The following NCKAP5 variants were observed in gnomAD, a reference collection of about 807,000 sequenced individuals.
NCKAP5 encodes nck-associated protein 5.
NCKAP5 carries 92 observed loss-of-function variants against 167.0 expected under a neutral mutation model. The ratio of observed to expected loss-of-function variants is 0.55; its 90% CI spans 0.47 to 0.66. The LOEUF is 0.66. NCKAP5 is among the 30% of genes least tolerant of loss of function. NCKAP5 has a pLI of 0.00. For missense variants in NCKAP5, 2,378 were observed against 2,315.0 expected (o/e 1.03, Z -0.56); for synonymous variants, 891 against 877.4 (o/e 1.02, Z -0.27).
chr2:132,939,857 G>A (rs899528042), intron 8 of NCKAP5, among the ~76,000 whole-genome samples: 9 of 152,080 alleles, frequency 5.9e-5, no homozygotes, highest in African/African-American at 2.2e-4. Context: ...AAAATTAGCT[G>A]GGTGTGGTGG....
intron 3 of NCKAP5, among the ~76,000 whole-genome samples, chr2:133,484,274 G>A (rs539799873): frequency 1.3e-5 from 2 of 152,250 alleles, no homozygotes; most frequent in South Asian, 4.1e-4. Context: ...AGGACCAGCA[G>A]AAACCATCTG....
intron 3 of NCKAP5, among the ~76,000 whole-genome samples, chr2:133,352,520 G>C (rs954050321): frequency 1.3e-5 from 2 of 152,210 alleles, no homozygotes; most frequent in African/African-American, 4.8e-5. Context: ...AGAGTGTGTT[G>C]GGTAGAGGCA....
chr2:133,412,596 G>A (rs912637000), intron 3 of NCKAP5, among the ~76,000 whole-genome samples: 5 of 152,156 alleles, frequency 3.3e-5, no homozygotes, highest in Non-Finnish European at 7.3e-5. Flanking sequence ...CTACTGTGGT[G>A]ACTTTGAAGG....
chr2:133,263,497 T>C (rs753919378), intron 4 of NCKAP5, among the ~76,000 whole-genome samples: 8 of 152,042 alleles, frequency 5.3e-5, no homozygotes, highest in Non-Finnish European at 8.8e-5. Flanking sequence ...GTAAAACTTC[T>C]TTGAACAAAA....
intron 6 of NCKAP5, among the ~76,000 whole-genome samples, chr2:133,071,928 G>C (rs560759625): frequency 6.6e-6 from 1 of 152,250 alleles, no homozygotes; most frequent in African/African-American, 2.4e-5. Flanking sequence ...ATAGTGTATT[G>C]AGTGTATTAA....
At chr2:133,430,665 A>C (rs1218813144) in intron 3 of NCKAP5, among the ~76,000 whole-genome samples, 2 of 152,062 alleles carry the variant, frequency 1.3e-5, no homozygotes, top group African/African-American at 4.8e-5. Flanking sequence ...TTGACTGTTG[A>C]AGATGAGTTA....
chr2:132,794,249 TATATATATATATATAG>T (rs1200102973), intron 12 of NCKAP5, among the ~76,000 whole-genome samples: 78 of 60,298 alleles, frequency 1.3e-3, no homozygotes, highest in African/African-American at 4.9e-3. Context: ...TATATATATA[TATATATATATATATAG>T]AGAGAGAGAG....
At chr2:133,078,502 G>C (rs755384851) in intron 6 of NCKAP5, among the ~76,000 whole-genome samples, 2 of 152,124 alleles carry the variant, frequency 1.3e-5, no homozygotes, top group African/African-American at 2.4e-5. Flanking sequence ...CAGGACCTCT[G>C]CTGCTGGATG....
Position 133,224,463 on chromosome 2 carries a change from A to G in NCKAP5, c.144-10684T>C, listed in dbSNP as rs138856696. On this transcript the variant is annotated intron_variant, in intron 4 of 19. Coordinates refer to ENST00000409261, the MANE Select transcript of NCKAP5 (RefSeq NM_207363.3). ...ATAAGCCAATAAAACCACACAAGCT[A>G]CCTGTACTCCCTACTACAACAGTCA... 2.0e-3 allele frequency among the ~76,000 whole-genome samples: 308 copies of G among 152,314 alleles called. 2 individuals carry two copies. The highest frequency in any genetic ancestry group is 3.1e-3 in the Non-Finnish European group (208 of 68,018).
chr2:132,730,685 T>TA (rs1299468203), intron 17 of NCKAP5, among the ~76,000 whole-genome samples: 4 of 152,224 alleles, frequency 2.6e-5, no homozygotes, highest in Admixed American at 1.3e-4. Flanking sequence ...TGAGGTCACA[T>TA]ATGTGACTAT....
intron 6 of NCKAP5, chr2:133,118,353 A>G (rs980775920): frequency 4.6e-5 from 7 of 152,084 alleles, no homozygotes; most frequent in African/African-American, 1.7e-4. Context: ...GTATTATCTA[A>G]GTGGAAATTT....
chr2:133,583,073 G>T, the NCKAP5 span, among the ~76,000 whole-genome samples: 8 of 152,108 alleles, frequency 5.3e-5, no homozygotes, highest in African/African-American at 1.9e-4. Flanking sequence ...ATTTTGTAAT[G>T]ATACTTCTTG....
At chr2:133,348,118 G>T (rs564319406) in intron 3 of NCKAP5, among the ~76,000 whole-genome samples, 2 of 152,204 alleles carry the variant, frequency 1.3e-5, no homozygotes, top group African/African-American at 2.4e-5. Context: ...ACTTCTCAGA[G>T]ATCTGCCATT....
intron 8 of NCKAP5, among the ~76,000 whole-genome samples, chr2:132,879,331 C>A (rs1287971448): frequency 6.6e-6 from 1 of 152,230 alleles, no homozygotes; most frequent in Non-Finnish European, 1.5e-5. Context: ...CACATAAAGT[C>A]ATGAAAGCAT....
intron 5 of NCKAP5, among the ~76,000 whole-genome samples, chr2:133,134,276 C>T (rs1262520212): frequency 2.6e-5 from 4 of 152,152 alleles, no homozygotes; most frequent in Non-Finnish European, 4.4e-5. Context: ...TCCACTTCCA[C>T]AAAAAACTCT....
chr2:133,007,767 A>T (rs1429845073), intron 6 of NCKAP5, among the ~76,000 whole-genome samples: 1 of 152,172 alleles, frequency 6.6e-6, no homozygotes, highest in East Asian at 1.9e-4. Flanking sequence ...TATAATCTTC[A>T]TATCAATGGA....
At chr2:132,842,726 AT>A (rs140841877) in intron 11 of NCKAP5, among the ~76,000 whole-genome samples, 19,736 of 146,204 alleles carry the variant, frequency 0.13, 1,400 homozygotes, top group Middle Eastern at 0.24. Context: ...TTTCTTTTTC[AT>A]TTTTTTTTCA....
intron 6 of NCKAP5, among the ~76,000 whole-genome samples, chr2:133,074,199 A>T (rs1305569781): frequency 6.6e-6 from 1 of 152,228 alleles, no homozygotes; most frequent in East Asian, 1.9e-4. Flanking sequence ...AGGAGAAAAA[A>T]CAATGAACAG....
chr2:133,475,429 C>T (rs1679794127), intron 3 of NCKAP5, among the ~76,000 whole-genome samples: 1 of 152,200 alleles, frequency 6.6e-6, no homozygotes, highest in Non-Finnish European at 1.5e-5. Context: ...AAACCATCTA[C>T]ATAAATGACA....
Sources: gnomAD v4.1 joint callset for allele counts (sites outside exome capture counted in the v4.1 genomes callset) on GRCh38, gnomAD v4.1.1 for gene constraint, MANE v1.5 for transcripts, NCBI Gene and HGNC (gene_info 2026-07-23, HGNC 2026-07-21) for gene names.